The following SLC23A2 variants were observed in gnomAD, a reference collection of about 807,000 sequenced individuals.
The protein encoded by SLC23A2 is Na(+)/L-ascorbic acid transporter 2.
In SLC23A2, 36 loss-of-function variants were observed where a neutral mutation model predicts 73.3. The observed-to-expected ratio is 0.49, with a 90% confidence interval of 0.38 to 0.65. The LOEUF (loss-of-function observed/expected upper bound fraction) is 0.65. SLC23A2 is among the 30% of genes least tolerant of loss of function. The pLI, the probability that SLC23A2 is intolerant of heterozygous loss-of-function variation, is 0.00. For synonymous variants in SLC23A2, 343 were observed against 327.3 expected (o/e 1.05, Z -0.52); for missense variants, 507 against 841.6 (o/e 0.60, Z 4.92).
chr20:4,904,896 C>T (rs1931880114), intron 4 of SLC23A2, among the ~76,000 whole-genome samples: 1 of 152,074 alleles, frequency 6.6e-6, no homozygotes, highest in South Asian at 2.1e-4. Flanking sequence ...GGTAGATCAC[C>T]TGAGGTCAGG....
At chr20:4,916,580 TAAG>T (rs1420725634) in intron 3 of SLC23A2, among the ~76,000 whole-genome samples, 1 of 152,156 alleles carries the variant, frequency 6.6e-6, no homozygotes, top group African/African-American at 2.4e-5. Flanking sequence ...TACATGGCAC[TAAG>T]AAGATAGATT....
chr20:4,932,739 A>G, intron 2 of SLC23A2, 23 bp from the exon 3 acceptor site: 1 of 578,794 alleles, frequency 1.7e-6, no homozygotes, highest in South Asian at 2.1e-5. Context: ...AGCACAGCCA[A>G]ATCACCCCAA....
chr20:4,869,861 C>A (rs1930368162), intron 12 of SLC23A2, 45 bp downstream of exon 12: 1 of 1,554,072 alleles, frequency 6.4e-7, no homozygotes, highest in Non-Finnish European at 8.7e-7. Flanking sequence ...AACAAAGTAA[C>A]AAGGTGCTGG....
rs1417899846 is a variant in SLC23A2 at position 4,862,558 on chromosome 20, G to A, written c.1486+220C>T. Among the ~76,000 whole-genome samples the A allele has an allele frequency of 6.6e-6, 1 of 152,148 alleles. No homozygotes were observed. Among genetic ancestry groups the A allele is most frequent in the Admixed American group, 6.5e-5 (1 of 15,280 alleles). ...AATACTAAAGAGATTAAATTTAATT[G>A]AAATGTTCATAGCACAATTACATCT... is the stretch of plus-strand genomic sequence containing the variant. On this transcript the variant is annotated intron_variant, in intron 14 of 16. Transcript: ENST00000338244. This position sits in a 1 kb window ranked among gnomAD's most constrained non-coding sequence, Gnocchi z 5.1.
intron 6 of SLC23A2, among the ~76,000 whole-genome samples, chr20:4,888,421 G>A (rs1931188766): frequency 1.3e-5 from 2 of 152,250 alleles, no homozygotes; most frequent in Admixed American, 6.5e-5. Context: ...TGAAGAGGCA[G>A]TGGGTTTCTG....
chr20:4,964,475 G>A (rs2087442060), intron 2 of SLC23A2, among the ~76,000 whole-genome samples: 2 of 152,114 alleles, frequency 1.3e-5, no homozygotes, highest in African/African-American at 2.4e-5. Flanking sequence ...CAAAACCGGA[G>A]GGGAAAATAT....
intron 1 of SLC23A2, among the ~76,000 whole-genome samples, chr20:4,993,801 G>A (rs546120655): frequency 6.6e-6 from 1 of 152,218 alleles, no homozygotes; most frequent in East Asian, 1.9e-4. Context: ...ATGAACTTGG[G>A]CTGGGAACAG....
rs754600776 is a variant in SLC23A2, at chr20:4,873,992, G to C, written c.1046C>G (p.Thr349Arg). Reference protein sequence around the residue: ...DSTKYGFYARTDARQGVLLVA... With the variant: ...DSTKYGFYARRDARQGVLLVA... ...CAGAAGCACGCCTTGCCTGGCATCT[G>C]TGCGAGCATAGAAGCCATACTTTGT... Residue 349 changes from threonine (T) to arginine (R), a missense_variant, in exon 11 of 17, where the codon ACA (threonine) becomes AGA (arginine). This residue lies in a region of SLC23A2 where 217 missense variants were observed against 398.0 expected (regional missense o/e 0.55). Transcript: ENST00000338244. 1 of 1,614,150 alleles carries C rather than the reference G, an allele frequency of 6.2e-7. No individual in the cohort carries two copies. The highest frequency in any genetic ancestry group is 8.5e-7 in the Non-Finnish European group (1 of 1,179,992).
upstream of SLC23A2, among the ~76,000 whole-genome samples, chr20:5,004,843 T>C (rs1182291394): frequency 6.6e-6 from 1 of 151,788 alleles, no homozygotes; most frequent in Admixed American, 6.6e-5. Context: ...CTACTAAAAA[T>C]ACAAAATTAG....
chr20:4,875,545 G>A (rs1008697044), intron 9 of SLC23A2, among the ~76,000 whole-genome samples: 4 of 152,118 alleles, frequency 2.6e-5, no homozygotes, highest in Admixed American at 2.0e-4. Flanking sequence ...GCTGGGCTGC[G>A]TAAGTCCCTC....
intron 11 of SLC23A2, 159 bp downstream of exon 11, chr20:4,873,777 G>C: frequency 3.2e-6 from 2 of 620,742 alleles, no homozygotes; most frequent in Admixed American, 6.6e-5. Flanking sequence ...GCCCTCTGGG[G>C]ACAGGGCCTC....
intron 6 of SLC23A2, among the ~76,000 whole-genome samples, chr20:4,898,847 A>G (rs1379053475): frequency 1.3e-5 from 2 of 152,244 alleles, no homozygotes; most frequent in Non-Finnish European, 2.9e-5. Flanking sequence ...CACTGGAAGG[A>G]TGAAAACAAG....
At chr20:4,866,208 G>A (rs942367932) in intron 13 of SLC23A2, among the ~76,000 whole-genome samples, 1 of 152,154 alleles carries the variant, frequency 6.6e-6, no homozygotes, top group Non-Finnish European at 1.5e-5. Context: ...TCTGTAAATC[G>A]TTGTCAGACT....
intron 2 of SLC23A2, among the ~76,000 whole-genome samples, chr20:4,964,313 A>T (rs185223709): frequency 1.1e-4 from 17 of 152,298 alleles, no homozygotes; most frequent in Admixed American, 1.1e-3. Context: ...TTTAGATGGT[A>T]ATTTAACATC....
At chr20:4,985,417 T>C (rs1034254394) in intron 1 of SLC23A2, among the ~76,000 whole-genome samples, 10 of 151,998 alleles carry the variant, frequency 6.6e-5, no homozygotes, top group African/African-American at 2.2e-4. Context: ...GAAAACATTA[T>C]GCTAAGTGAA....
At chr20:4,931,172 T>C (rs561876462) in intron 3 of SLC23A2, among the ~76,000 whole-genome samples, 3 of 150,880 alleles carry the variant, frequency 2.0e-5, no homozygotes, top group Non-Finnish European at 4.4e-5. Flanking sequence ...GGAGACCCTG[T>C]CTCTACAAAA....
In SLC23A2 at chr20:4,947,250, C is replaced by A. The variant is rs2087132038; in HGVS notation, c.-154-14534G>T. Among the ~76,000 whole-genome samples, 1 of 152,142 alleles carries A rather than the reference C, an allele frequency of 6.6e-6. No individual in the cohort carries two copies. Among genetic ancestry groups the A allele is most frequent in the Non-Finnish European group, 1.5e-5 (1 of 68,028 alleles). On this transcript the variant is annotated intron_variant, in intron 2 of 16. Transcript: ENST00000338244. The surrounding 1 kb of genome is among the most constrained non-coding windows in gnomAD (Gnocchi z 4.4). ...TTCAAATACTTGGGGAAATCCCTGA[C>A]TCGTTCAGGGAAATCTTGTGGCTGG...
chr20:4,871,540 G>A (rs1370397962), intron 11 of SLC23A2, among the ~76,000 whole-genome samples: 1 of 152,208 alleles, frequency 6.6e-6, no homozygotes, highest in Admixed American at 6.5e-5. Flanking sequence ...GGCCTGTGTT[G>A]TAGGTAGCCT....
At chr20:4,991,628 A>G (rs2087923420) in intron 1 of SLC23A2, among the ~76,000 whole-genome samples, 1 of 151,404 alleles carries the variant, frequency 6.6e-6, no homozygotes, top group Non-Finnish European at 1.5e-5. Flanking sequence ...AGGCCGAGGC[A>G]GGAGAATTGC....
Sources: allele counts gnomAD v4.1 joint callset (sites outside exome capture counted in the v4.1 genomes callset), GRCh38; gene constraint gnomAD v4.1.1; regional missense constraint gnomAD v4.1.1; non-coding constraint Gnocchi (gnomAD v3.1); transcripts MANE v1.5; gene names NCBI Gene and HGNC (gene_info 2026-07-23, HGNC 2026-07-21).